SLC5A7: variants seen among roughly 807,000 people sequenced by gnomAD.
The protein encoded by SLC5A7 is high affinity choline transporter 1.
In SLC5A7, 19 loss-of-function variants were observed where a neutral mutation model predicts 55.4. The observed-to-expected ratio is 0.34, with a 90% confidence interval of 0.24 to 0.50. The LOEUF is 0.50. Ranked by LOEUF, SLC5A7 falls within the 20% of genes least tolerant of loss-of-function variation. The pLI is 0.98. For synonymous variants in SLC5A7, 265 were observed against 263.7 expected (o/e 1.00, Z -0.05); for missense variants, 506 against 705.3 (o/e 0.72, Z 3.20).
At chr2:107,993,563 A>C (rs756417145) in intron 4 of SLC5A7, among the ~76,000 whole-genome samples, 1 of 152,194 alleles carries the variant, frequency 6.6e-6, no homozygotes, top group Non-Finnish European at 1.5e-5. Context: ...TTATATCTTA[A>C]TTTCTTCCAA....
intron 2 of SLC5A7, among the ~76,000 whole-genome samples, chr2:107,991,284 G>T (rs1220020621): frequency 2.0e-5 from 3 of 151,998 alleles, no homozygotes; most frequent in Non-Finnish European, 4.4e-5. Context: ...ATTACTTCTT[G>T]TCAAATAGTA....
At position 108,008,587 on chromosome 2, in the gene SLC5A7, G is replaced by C; in HGVS notation, c.1018G>C (p.Val340Leu). The part of the protein sequence containing the change: ...VYISFFGLGA[V>L]SAAVMSSADS... ...TATTTCTTTCTTTGGTCTTGGTGCA[G>C]TTTCTGCTGCTGTTATGTCATCAGC... The change falls in exon 8 of 9, where the codon GTT becomes CTT. Residue 340 changes from valine (V) to leucine (L), a missense_variant. Around this residue, in one of 4 missense-constraint regions of SLC5A7, gnomAD observed 309 missense variants for 478.6 expected, o/e 0.65. Coordinates refer to ENST00000264047, the MANE Select transcript of SLC5A7 (RefSeq NM_021815.5). 3 of 1,613,504 alleles carry C rather than the reference G, an allele frequency of 1.9e-6. No homozygotes were observed. The highest frequency in any genetic ancestry group is 2.5e-6 in the Non-Finnish European group (3 of 1,179,832).
rs933496323 is a variant in SLC5A7 at position 108,011,716 on chromosome 2, C to G, written c.*855C>G. On this transcript the variant is annotated 3_prime_UTR_variant, in exon 9 of 9. Transcript: ENST00000264047. ...AAAATAAGTAACATATAAATTAATACATAAGTTAATATTGGAAGTGAAATT... is the reference window on the plus strand; with the variant it reads ...AAAATAAGTAACATATAAATTAATAGATAAGTTAATATTGGAAGTGAAATT... 1.3e-5 allele frequency: 2 copies of G among 151,968 alleles called. No individual in the cohort carries two copies. Among genetic ancestry groups the G allele is most frequent in the Non-Finnish European group, 2.9e-5 (2 of 68,000 alleles). 9.4% of individuals were successfully genotyped at this position (151,968 alleles called of 1,614,324 possible). A position where few individuals can be genotyped will look rare whatever the true frequency, so the allele number is the denominator to read the frequency against.
At chr2:107,993,675 A>G (rs1677543640) in intron 4 of SLC5A7, among the ~76,000 whole-genome samples, 1 of 152,124 alleles carries the variant, frequency 6.6e-6, no homozygotes, top group South Asian at 2.1e-4. Context: ...AACTACCTAA[A>G]CTCCTGAGAC....
At chr2:108,001,651 C>T (rs1451296279) in intron 5 of SLC5A7, among the ~76,000 whole-genome samples, 2 of 129,046 alleles carry the variant, frequency 1.5e-5, no homozygotes, top group African/African-American at 5.9e-5. Flanking sequence ...CCAGCCTGGG[C>T]GACAGAGCGA....
At chr2:107,990,302 C>T (rs914778296) in intron 2 of SLC5A7, among the ~76,000 whole-genome samples, 10 of 152,130 alleles carry the variant, frequency 6.6e-5, no homozygotes, top group African/African-American at 2.2e-4. Context: ...ATGATTCAGT[C>T]ACCAATTTTC....
At chr2:108,009,470 C>G (rs914259475) in intron 8 of SLC5A7, among the ~76,000 whole-genome samples, 22 of 151,976 alleles carry the variant, frequency 1.4e-4, no homozygotes, top group African/African-American at 4.3e-4. Context: ...CCACCCCCCA[C>G]GCCCCCCAAC....
At chr2:107,988,625 G>A (rs1677334233) in intron 2 of SLC5A7, among the ~76,000 whole-genome samples, 1 of 152,130 alleles carries the variant, frequency 6.6e-6, no homozygotes, top group African/African-American at 2.4e-5. Flanking sequence ...TGGAAACAGA[G>A]TAAAAACAAA....
In SLC5A7 at chr2:108,001,508, C is replaced by G. The variant is rs1677897921; in HGVS notation, c.598-389C>G. Among the ~76,000 whole-genome samples the G allele has an allele frequency of 2.0e-5, 3 of 151,362 alleles. No individual in the cohort carries two copies. The East Asian group carries it at 5.8e-4, about 29-fold the overall frequency. On this transcript the variant is annotated intron_variant, in intron 5 of 8. Transcript: ENST00000264047. ...CTATAACGGTGAAACCCCGTCTCTA[C>G]TAAAAATACAAAAAATTAGCCGGGC...
At chr2:108,010,090 T>C in intron 8 of SLC5A7, 142 bp from the exon 9 acceptor site, 1 of 939,368 alleles carries the variant, frequency 1.1e-6, no homozygotes, top group Non-Finnish European at 1.6e-6. Context: ...GCTGTAGCTG[T>C]AGTTGGTTTT....
chr2:108,004,277 T>C (rs1331440692), intron 6 of SLC5A7, among the ~76,000 whole-genome samples: 2 of 152,228 alleles, frequency 1.3e-5, no homozygotes, highest in Non-Finnish European at 2.9e-5. Context: ...TGCAAGATGT[T>C]AATGATATAT....
intron 2 of SLC5A7, among the ~76,000 whole-genome samples, chr2:107,991,505 G>A (rs372766173): frequency 5.3e-5 from 8 of 152,222 alleles, no homozygotes; most frequent in African/African-American, 1.4e-4. Context: ...ATGGAGATAA[G>A]ATTTGCAAGC....
chr2:107,995,478 TGTG>T (rs1677637557), intron 4 of SLC5A7, among the ~76,000 whole-genome samples: 2 of 151,148 alleles, frequency 1.3e-5, no homozygotes, highest in African/African-American at 2.4e-5. Flanking sequence ...AGAGTGTGTG[TGTG>T]TGTGTGTGTG....
chr2:108,010,524 A>G lies in SLC5A7; in HGVS notation c.1406A>G (p.Asp469Gly), dbSNP rs1312819396. 6.2e-7 allele frequency: 1 copy of G among 1,613,782 alleles called. No homozygotes were observed. Among genetic ancestry groups the G allele is most frequent in the East Asian group, 2.2e-5 (1 of 44,882 alleles). The change falls in exon 9 of 9, where the codon GAT becomes GGT. Residue 469 changes from aspartate (D) to glycine (G), a missense_variant. Coordinates refer to ENST00000264047, the MANE Select transcript of SLC5A7 (RefSeq NM_021815.5). ...TTCTACCCTGGCTATTACCCTGATG[A>G]TAATGGTATATATAATCAGAAATTT... ...LIFYPGYYPDDNGIYNQKFPF... is the reference protein window; with the variant it reads ...LIFYPGYYPDGNGIYNQKFPF...
At chr2:108,010,080 GC>G (rs1678260337) in intron 8 of SLC5A7, 151 bp from the exon 9 acceptor site, 11 of 874,132 alleles carry the variant, frequency 1.3e-5, no homozygotes, top group Non-Finnish European at 1.9e-5. Context: ...TGCTTTGGGT[GC>G]TGTAGCTGTA....
chr2:107,988,215 G>A lies in SLC5A7; in HGVS notation c.60G>A (p.Leu20=). 1 of 1,614,160 alleles carries A rather than the reference G, an allele frequency of 6.2e-7. No homozygotes were observed. The highest frequency in any genetic ancestry group is 8.5e-7 in the Non-Finnish European group (1 of 1,179,980). ...AIIVFYLLIL[L]VGIWAAWRTK... is the part of the protein sequence containing the mutation. ...TCGTGTTCTACCTTCTAATTTTGCT[G>A]GTTGGAATATGGGCTGCCTGGAGAA... Residue 20 remains leucine, a synonymous_variant, in exon 2 of 9, where the codon CTG becomes CTA. Coordinates refer to ENST00000264047, the MANE Select transcript of SLC5A7 (RefSeq NM_021815.5).
chr2:108,008,922 TAC>T (rs1434802982), intron 8 of SLC5A7, among the ~76,000 whole-genome samples: 1 of 151,550 alleles, frequency 6.6e-6, no homozygotes, highest in Non-Finnish European at 1.5e-5. Context: ...TCCCAAGAGG[TAC>T]AGTCACAGGG....
intron 5 of SLC5A7, among the ~76,000 whole-genome samples, chr2:107,998,406 G>T (rs1213563593): frequency 6.6e-6 from 1 of 152,134 alleles, no homozygotes; most frequent in African/African-American, 2.4e-5. Flanking sequence ...GATCCCATTG[G>T]AAAACTGTGG....
intron 6 of SLC5A7, among the ~76,000 whole-genome samples, chr2:108,004,655 A>G (rs1257804731): frequency 6.6e-5 from 10 of 152,200 alleles, no homozygotes; most frequent in Non-Finnish European, 5.9e-5. Context: ...GTATGCTTCC[A>G]GCTTCTCCTC....
Sources: allele counts gnomAD v4.1 joint callset (sites outside exome capture counted in the v4.1 genomes callset), GRCh38; gene constraint gnomAD v4.1.1; regional missense constraint gnomAD v4.1.1; transcripts MANE v1.5; gene names NCBI Gene and HGNC (gene_info 2026-07-23, HGNC 2026-07-21).